Variants in SYNE3 observed in about 807,000 individuals in gnomAD.
SYNE3 encodes the protein spectrin repeat containing nuclear envelope family member 3.
SYNE3 carries 100 observed loss-of-function variants against 111.2 expected under a neutral mutation model. That is an observed-to-expected ratio of 0.90 (90% CI 0.77 to 1.06). The LOEUF (loss-of-function observed/expected upper bound fraction) is 1.06, where lower values mean the gene tolerates loss of function less well. Ranked by LOEUF, SYNE3 falls within the 50% of genes least tolerant of loss-of-function variation. The probability of loss-of-function intolerance (pLI) is 0.00; values close to 1 mark genes in which losing one functional copy is unlikely to be tolerated. For missense variants in SYNE3, 1,160 were observed against 1,240.3 expected (o/e 0.94, Z 0.97); for synonymous variants, 547 against 533.9 (o/e 1.02, Z -0.34).
intron 15 of SYNE3, among the ~76,000 whole-genome samples, chr14:95,433,739 T>C (rs1385938490): frequency 6.6e-6 from 1 of 152,234 alleles, no homozygotes; most frequent in African/African-American, 2.4e-5. Context: ...ATTGTGAACA[T>C]GTCTTTCTGT....
Position 95,500,638 on chromosome 14 carries a change from G to T in SYNE3, c.-15+15958C>A, listed in dbSNP as rs889183156. On this transcript the variant is annotated intron_variant, in intron 1 of 17. Transcript: ENST00000682763. The surrounding 1 kb of genome is among the most constrained non-coding windows in gnomAD (Gnocchi z 4.7). ...TGCCCCACTGTTGTGTGCAGCACTTGGAAGCTGAGCAACCACCTTCATGAT... is the reference window on the plus strand; with the variant it reads ...TGCCCCACTGTTGTGTGCAGCACTTTGAAGCTGAGCAACCACCTTCATGAT... Among the ~76,000 whole-genome samples, 3 of 152,200 alleles carry T rather than the reference G, an allele frequency of 2.0e-5. No individual in the cohort carries two copies. The highest frequency in any genetic ancestry group is 1.3e-4 in the Admixed American group (2 of 15,290).
At chr14:95,421,165 A>G (rs1885100829) in intron 17 of SYNE3, among the ~76,000 whole-genome samples, 1 of 152,218 alleles carries the variant, frequency 6.6e-6, no homozygotes, top group Middle Eastern at 3.4e-3. Flanking sequence ...TAAATTACCC[A>G]GTCTCGGGTA....
intron 17 of SYNE3, among the ~76,000 whole-genome samples, chr14:95,420,068 C>T (rs916147729): frequency 1.3e-5 from 2 of 151,582 alleles, no homozygotes; most frequent in Admixed American, 6.6e-5. Flanking sequence ...AACGCTTAAC[C>T]CTGTGCCTCC....
At chr14:95,448,593 C>T (rs1020443773) in intron 8 of SYNE3, among the ~76,000 whole-genome samples, 1 of 152,188 alleles carries the variant, frequency 6.6e-6, no homozygotes, top group Non-Finnish European at 1.5e-5. Flanking sequence ...GAGGCTGAGG[C>T]AGGAGAATCT....
intron 15 of SYNE3, 49 bp from the exon 16 acceptor site, chr14:95,433,458 G>T: frequency 1.2e-6 from 2 of 1,605,548 alleles, no homozygotes; most frequent in Non-Finnish European, 1.7e-6. Flanking sequence ...GGCCCAGACA[G>T]CCCCACCTGA....
intron 14 of SYNE3, among the ~76,000 whole-genome samples, chr14:95,437,570 T>C (rs1173385670): frequency 6.6e-6 from 1 of 152,236 alleles, no homozygotes; most frequent in African/African-American, 2.4e-5. Flanking sequence ...TGAGATGTCT[T>C]ATCTTCCAGG....
Position 95,450,291 on chromosome 14 carries a change from T to C in SYNE3, c.1275-186A>G, listed in dbSNP as rs958463590. On this transcript the variant is annotated intron_variant, in intron 7 of 17. Coordinates refer to ENST00000682763, the MANE Select transcript of SYNE3 (RefSeq NM_152592.6). ...AGATGTAGCTGGAAGGGACTTTGAT[T>C]AATATCACTATGAAAAGGCATCAGC... 12 of 698,074 alleles carry C rather than the reference T, an allele frequency of 1.7e-5. No individual in the cohort carries two copies. The African/African-American group carries it at 2.2e-4, about 13-fold the overall frequency. The allele number at this position is 698,074 out of a possible 1,614,324, so 43.2% of individuals were successfully genotyped here.
At chr14:95,438,881 G>C (rs1886245896) in intron 14 of SYNE3, 152 bp downstream of exon 14, 1 of 1,095,200 alleles carries the variant, frequency 9.1e-7, no homozygotes, top group Non-Finnish European at 1.3e-6. Flanking sequence ...TTTGGCCACA[G>C]CTGGGGCAGG....
In SYNE3 at chr14:95,466,915, C is replaced by T. The variant is rs193060389; in HGVS notation, c.318-675G>A. ...GCCATGTGGAATGCTGCCCCACTGA[C>T]ATCTGTGACATCTGCATCTGTGGGC... On this transcript the variant is annotated intron_variant, in intron 3 of 17. Coordinates refer to ENST00000682763, the MANE Select transcript of SYNE3 (RefSeq NM_152592.6). 4.6e-5 allele frequency among the ~76,000 whole-genome samples: 7 copies of T among 152,328 alleles called. No homozygotes were observed. In the East Asian group the frequency reaches 1.4e-3, roughly 29 times the overall value.
intron 1 of SYNE3, among the ~76,000 whole-genome samples, chr14:95,498,263 T>C (rs1890182140): frequency 6.6e-6 from 1 of 152,188 alleles, no homozygotes; most frequent in Non-Finnish European, 1.5e-5. Context: ...TAATCTTGGC[T>C]CACTACAACC....
chr14:95,483,614 T>A (rs1889382572), intron 1 of SYNE3, among the ~76,000 whole-genome samples: 1 of 152,136 alleles, frequency 6.6e-6, no homozygotes, highest in Non-Finnish European at 1.5e-5. Context: ...AAGGTGATTC[T>A]CAGAACAAAG....
intron 1 of SYNE3, among the ~76,000 whole-genome samples, chr14:95,502,186 C>T (rs958124472): frequency 1.3e-5 from 2 of 152,142 alleles, no homozygotes; most frequent in African/African-American, 4.8e-5. Flanking sequence ...CTTGGGCAAA[C>T]CAGGGACAGT....
In SYNE3 at chr14:95,415,568, G is replaced by C. The variant is rs17755459; in HGVS notation, c.*2258C>G. On this transcript the variant is annotated 3_prime_UTR_variant, in exon 18 of 18. Transcript: ENST00000682763. ...GCATGTACTAGTCTTGTAGAAATAA[G>C]TTAAACTGAAGCAGCTTGAGGGAAG... is the stretch of plus-strand genomic sequence containing the variant. 0.2 allele frequency: 30,284 copies of C among 152,004 alleles called. 3,670 individuals carry two copies. The highest frequency in any genetic ancestry group is 0.28 in the Admixed American group (4,284 of 15,282). 9.4% of individuals were successfully genotyped at this position (152,004 alleles called of 1,614,324 possible).
chr14:95,468,087 C>G, intron 2 of SYNE3, 120 bp from the exon 3 acceptor site: 1 of 1,186,362 alleles, frequency 8.4e-7, no homozygotes, highest in Middle Eastern at 2.9e-4. Flanking sequence ...CTGGGATTCA[C>G]ATCACAGCCC....
At chr14:95,443,831 AAAAAATTTTTTATTTT>A (rs57828044) in intron 10 of SYNE3, 50,182 of 152,014 alleles carry the variant, frequency 0.33, 8,436 homozygotes, top group East Asian at 0.49. Context: ...GCTTTTTTAA[AAAAAATTTTTTATTTT>A]AAGTAGAGAC....
In SYNE3 at chr14:95,412,414, G is replaced by C. The variant is rs1041229459; in HGVS notation, c.*5412C>G. The C allele has an allele frequency of 2.6e-5, 4 of 152,310 alleles. No homozygotes were observed. The East Asian group carries it at 7.7e-4, about 29-fold the overall frequency. 9.4% of individuals were successfully genotyped at this position (152,310 alleles called of 1,614,324 possible). A position where few individuals can be genotyped will look rare whatever the true frequency, so the allele number is the denominator to read the frequency against. On this transcript the variant is annotated 3_prime_UTR_variant, in exon 18 of 18. Transcript: ENST00000682763. ...CGTCTGCAAGCTCCCTGAGGGCAGG[G>C]ACTGGGCTTTGTTCACCCCGAATCT...
rs1319659640 is a variant in SYNE3, at chr14:95,416,810, G to A, written c.*1016C>T. The A allele has an allele frequency of 6.6e-6, 1 of 152,324 alleles. No homozygotes were observed. The highest frequency in any genetic ancestry group is 1.5e-5 in the Non-Finnish European group (1 of 68,120). The allele number at this position is 152,324 out of a possible 1,614,324, so 9.4% of individuals were successfully genotyped here. On this transcript the variant is annotated 3_prime_UTR_variant, in exon 18 of 18. Coordinates refer to ENST00000682763, the MANE Select transcript of SYNE3 (RefSeq NM_152592.6). ...ACCCTCGATCCCTGGCCCCTGGCGT[G>A]GCAGATGCTTCCCTTCTCACCTGCA... is the stretch of plus-strand genomic sequence containing the variant.
At chr14:95,490,891 C>A (rs1437190204) in intron 1 of SYNE3, among the ~76,000 whole-genome samples, 1 of 152,260 alleles carries the variant, frequency 6.6e-6, no homozygotes, top group Non-Finnish European at 1.5e-5. Flanking sequence ...CTCAGCTCTG[C>A]ATCATCCGTT....
chr14:95,480,166 C>T (rs1014374571), intron 1 of SYNE3, among the ~76,000 whole-genome samples: 4 of 152,228 alleles, frequency 2.6e-5, no homozygotes, highest in African/African-American at 9.6e-5. Context: ...TGTTTCCAAG[C>T]CCTGTCTGGG....
Sources: allele counts gnomAD v4.1 joint callset (sites outside exome capture counted in the v4.1 genomes callset), GRCh38; gene constraint gnomAD v4.1.1; non-coding constraint Gnocchi (gnomAD v3.1); transcripts MANE v1.5; gene names NCBI Gene and HGNC (gene_info 2026-07-23, HGNC 2026-07-21).